The following LRFN5 variants were observed in gnomAD, a reference collection of about 807,000 sequenced individuals.
The protein encoded by LRFN5 is leucine rich repeat and fibronectin type III domain containing 5.
A neutral mutation model predicts 45.6 loss-of-function variants in LRFN5; 24 were observed. The observed-to-expected ratio is 0.53, with a 90% confidence interval of 0.38 to 0.74. The LOEUF (loss-of-function observed/expected upper bound fraction) is 0.74, where lower values mean the gene tolerates loss of function less well. LRFN5 is among the 30% of genes least tolerant of loss of function. The pLI, the probability that LRFN5 is intolerant of heterozygous loss-of-function variation, is 0.00. For synonymous variants in LRFN5, 340 were observed against 313.8 expected (o/e 1.08, Z -0.88); for missense variants, 776 against 861.5 (o/e 0.90, Z 1.24).
chr14:41,814,217 A>T (rs1887839303), intron 2 of LRFN5, among the ~76,000 whole-genome samples: 2 of 152,096 alleles, frequency 1.3e-5, no homozygotes, highest in Admixed American at 6.6e-5. Flanking sequence ...TTGGTATTTT[A>T]GTCATGAATT....
At chr14:41,756,134 A>C (rs531658845) in intron 1 of LRFN5, among the ~76,000 whole-genome samples, 2 of 152,166 alleles carry the variant, frequency 1.3e-5, no homozygotes, top group African/African-American at 4.8e-5. Flanking sequence ...CCGAGAGATC[A>C]GCTGTTAGTC....
chr14:41,635,729 T>A (rs1461272326), intron 1 of LRFN5, among the ~76,000 whole-genome samples: 3 of 152,114 alleles, frequency 2.0e-5, no homozygotes, highest in Non-Finnish European at 4.4e-5. Context: ...ACAGGTGAGG[T>A]CCAAATCATG....
chr14:41,890,057 T>A (rs965842312), intron 3 of LRFN5, among the ~76,000 whole-genome samples: 4 of 152,006 alleles, frequency 2.6e-5, no homozygotes, highest in African/African-American at 9.7e-5. Flanking sequence ...AGAGACGGTG[T>A]TTCACCGTAT....
chr14:41,630,370 T>C (rs183128312), intron 1 of LRFN5, among the ~76,000 whole-genome samples: 1 of 152,286 alleles, frequency 6.6e-6, no homozygotes, highest in Admixed American at 6.5e-5. Context: ...ATACTGTAAA[T>C]ATTTATTGTT....
intron 2 of LRFN5, among the ~76,000 whole-genome samples, chr14:41,833,685 G>T (rs1888562876): frequency 1.3e-5 from 2 of 152,190 alleles, no homozygotes; most frequent in African/African-American, 4.8e-5. Flanking sequence ...TGTGTATTCA[G>T]TATTGGCTTT....
intron 2 of LRFN5, among the ~76,000 whole-genome samples, chr14:41,838,049 C>A (rs921327930): frequency 6.6e-6 from 1 of 152,076 alleles, no homozygotes; most frequent in African/African-American, 2.4e-5. Context: ...GTTTTTACAT[C>A]GTTAAAGCAC....
chr14:41,773,047 G>C (rs1376677070), intron 2 of LRFN5, among the ~76,000 whole-genome samples: 3 of 152,102 alleles, frequency 2.0e-5, no homozygotes, highest in Non-Finnish European at 4.4e-5. Context: ...ACACAAAATT[G>C]AGATGTCGTG....
chr14:41,611,975 T>G (rs553805492), intron 1 of LRFN5, among the ~76,000 whole-genome samples: 2 of 152,336 alleles, frequency 1.3e-5, no homozygotes, highest in Non-Finnish European at 2.9e-5. Flanking sequence ...GTTATGGCAT[T>G]GGTGTTTAAA....
At chr14:41,794,791 C>T (rs1289023501) in intron 2 of LRFN5, among the ~76,000 whole-genome samples, 1 of 151,950 alleles carries the variant, frequency 6.6e-6, no homozygotes, top group East Asian at 1.9e-4. Flanking sequence ...ATCAGGTAAG[C>T]ATTGCAGCAT....
intron 1 of LRFN5, among the ~76,000 whole-genome samples, chr14:41,616,305 T>G (rs1887923607): frequency 6.6e-6 from 1 of 152,156 alleles, no homozygotes; most frequent in Non-Finnish European, 1.5e-5. Context: ...TATTTGGCAT[T>G]TAATGCATAC....
intron 1 of LRFN5, among the ~76,000 whole-genome samples, chr14:41,673,702 T>TGGCTGGCCGGGCAGAGGA (rs1881384380): frequency 1.2e-5 from 1 of 81,518 alleles, no homozygotes; most frequent in South Asian, 4.8e-4. Context: ...CTGGATGGGG[T>TGGCTGGCCGGGCAGAGGA]GGCTGGCCGG....
In LRFN5 at chr14:41,724,036, G is replaced by A. The variant is rs555292053; in HGVS notation, c.-196-42818G>A. 3.3e-5 allele frequency among the ~76,000 whole-genome samples: 5 copies of A among 152,188 alleles called. No individual in the cohort carries two copies. In the East Asian group the frequency reaches 9.7e-4, roughly 29 times the overall value. On this transcript the variant is annotated intron_variant, in intron 1 of 5. Coordinates refer to ENST00000298119, the MANE Select transcript of LRFN5 (RefSeq NM_152447.5). Reference sequence around the variant, plus strand: ...AAACAAAATGTTCTCCCTTGGCCTCGAATTCCATGTGAAAAGATGAGTCAC... The same window carrying A: ...AAACAAAATGTTCTCCCTTGGCCTCAAATTCCATGTGAAAAGATGAGTCAC...
intron 2 of LRFN5, among the ~76,000 whole-genome samples, chr14:41,767,884 A>G (rs1204432224): frequency 1.3e-5 from 2 of 152,090 alleles, no homozygotes; most frequent in Admixed American, 6.5e-5. Flanking sequence ...TTGTTTTGCC[A>G]TGTTTCTAGT....
intron 1 of LRFN5, among the ~76,000 whole-genome samples, chr14:41,686,374 G>A (rs1448634041): frequency 1.3e-5 from 2 of 151,962 alleles, no homozygotes; most frequent in African/African-American, 2.4e-5. Context: ...GGGCTGATAC[G>A]ATGGGGTTTT....
intron 1 of LRFN5, among the ~76,000 whole-genome samples, chr14:41,692,023 A>T (rs1243371623): frequency 6.6e-6 from 1 of 152,128 alleles, no homozygotes; most frequent in East Asian, 1.9e-4. Context: ...TCTTGTGGGT[A>T]AGATTGATGT....
At chr14:41,792,183 G>C (rs1886946119) in intron 2 of LRFN5, among the ~76,000 whole-genome samples, 1 of 152,010 alleles carries the variant, frequency 6.6e-6, no homozygotes, top group African/African-American at 2.4e-5. Context: ...TTTCAAAAGG[G>C]GATGGGGTGT....
intron 2 of LRFN5, among the ~76,000 whole-genome samples, chr14:41,772,292 T>A (rs1471581231): frequency 6.6e-6 from 1 of 152,190 alleles, no homozygotes; most frequent in African/African-American, 2.4e-5. Context: ...AACATAAGTT[T>A]TAAAGGAGAC....
intron 1 of LRFN5, among the ~76,000 whole-genome samples, chr14:41,742,312 TACACACACACACAC>T (rs61109523): frequency 1.4e-5 from 2 of 145,244 alleles, no homozygotes; most frequent in South Asian, 2.2e-4. Flanking sequence ...GTGGTGTGTA[TACACACACACACAC>T]ACACACACAC....
chr14:41,668,176 A>G (rs1044056133), intron 1 of LRFN5, among the ~76,000 whole-genome samples: 1 of 152,086 alleles, frequency 6.6e-6, no homozygotes, highest in African/African-American at 2.4e-5. Flanking sequence ...TAATAACAAT[A>G]TTACTGCAGT....
Sources: allele counts gnomAD v4.1 joint callset (sites outside exome capture counted in the v4.1 genomes callset), GRCh38; gene constraint gnomAD v4.1.1; transcripts MANE v1.5; gene names NCBI Gene and HGNC (gene_info 2026-07-23, HGNC 2026-07-21).